The following ATP6V0A4 variants were observed in gnomAD, a reference collection of about 807,000 sequenced individuals.
ATP6V0A4 encodes the protein ATPase H+ transporting V0 subunit a4, also known as V-type proton ATPase 116 kDa subunit a 4.
In ATP6V0A4, 86 loss-of-function variants were observed where a neutral mutation model predicts 107.3. The ratio of observed to expected loss-of-function variants is 0.80; its 90% CI spans 0.67 to 0.96. The LOEUF (loss-of-function observed/expected upper bound fraction) is 0.96. Ranked by LOEUF, ATP6V0A4 falls within the 40% of genes least tolerant of loss-of-function variation. ATP6V0A4 has a pLI of 0.00. For missense variants in ATP6V0A4, 908 were observed against 1,045.6 expected, an observed-to-expected ratio of 0.87 and a Z score of 1.81; for synonymous variants, 353 against 381.4, an observed-to-expected ratio of 0.93 and a Z score of 0.87.
intron 19 of ATP6V0A4, among the ~76,000 whole-genome samples, chr7:138,718,417 G>T (rs1289623818): frequency 8.4e-6 from 1 of 119,040 alleles, no homozygotes; most frequent in Non-Finnish European, 1.7e-5. Context: ...GGAAGGGGGG[G>T]CGTGCAGTCA....
intron 2 of ATP6V0A4, among the ~76,000 whole-genome samples, chr7:138,777,567 A>G (rs1807716228): frequency 6.7e-6 from 1 of 150,116 alleles, no homozygotes; most frequent in Admixed American, 6.7e-5. Context: ...GAGAGCCAAG[A>G]TCGTGCCATT....
rs1324433343 is a variant in ATP6V0A4, at chr7:138,784,269, T to TATATATATATACATATATATATATAC, written c.-18+1888_-18+1889insGTATATATATATATGTATATATATAT. Among the ~76,000 whole-genome samples, 7 of 31,276 alleles carry TATATATATATACATATATATATATAC rather than the reference T, an allele frequency of 2.2e-4. No homozygotes were observed. In the East Asian group the frequency reaches 6.4e-3, roughly 29 times the overall value. 20.5% of individuals were successfully genotyped at this position (31,276 alleles called of 152,430 possible). ...ATATATATACATATATATATATACA[T>TATATATATATACATATATATATATAC]ATATATATATACATATATATACACA... On this transcript the variant is annotated intron_variant, in intron 2 of 21. Transcript: ENST00000310018.
intron 19 of ATP6V0A4, among the ~76,000 whole-genome samples, chr7:138,720,329 C>T (rs964496528): frequency 3.3e-5 from 5 of 152,114 alleles, no homozygotes; most frequent in African/African-American, 4.8e-5. Context: ...ATGATTAGAC[C>T]TGGGGGAAAG....
At chr7:138,796,838 C>T (rs1808690495) in intron 1 of ATP6V0A4, among the ~76,000 whole-genome samples, 1 of 149,592 alleles carries the variant, frequency 6.7e-6, no homozygotes, top group Admixed American at 6.7e-5. Context: ...TCATCTCAGT[C>T]TCCAGTGCCT....
rs1808759840 is a variant in ATP6V0A4 at position 138,797,886 on chromosome 7, G to A, written c.-121+148C>T. On this transcript the variant is annotated intron_variant, in intron 1 of 21. Coordinates refer to ENST00000310018, the MANE Select transcript of ATP6V0A4 (RefSeq NM_020632.3). ...CCCCTCCCTTCCTTCCTCAGCCAAC[G>A]GTTTGGCTTCCCTTCTAGAGAGGTG... is the stretch of plus-strand genomic sequence containing the variant. 5 of 1,145,592 alleles carry A rather than the reference G, an allele frequency of 4.4e-6. No individual in the cohort carries two copies. The East Asian group carries it at 1.3e-4, about 31-fold the overall frequency. The allele number at this position is 1,145,592 out of a possible 1,614,324, so 71.0% of individuals were successfully genotyped here. A position where few individuals can be genotyped will look rare whatever the true frequency, so the allele number is the denominator to read the frequency against.
rs147247032 is a variant in ATP6V0A4 at position 138,787,931 on chromosome 7, T to C, written c.-120-1671A>G. Among the ~76,000 whole-genome samples, 1,159 of 151,968 alleles carry C rather than the reference T, an allele frequency of 7.6e-3. 17 individuals are homozygous for C. The highest frequency in any genetic ancestry group is 0.026 in the African/African-American group (1,082 of 41,462). On this transcript the variant is annotated intron_variant, in intron 1 of 21. Transcript: ENST00000310018. ...GGAGGATGGCTTGAGCCCTAGGAGG[T>C]GGAGGCTACAGTGAGTTGTGATTGC...
chr7:138,754,415 T>G (rs1039173404), intron 10 of ATP6V0A4, among the ~76,000 whole-genome samples: 1 of 131,908 alleles, frequency 7.6e-6, no homozygotes, highest in African/African-American at 2.9e-5. Flanking sequence ...GCCACTGCAC[T>G]CCAGCCTGGG....
intron 17 of ATP6V0A4, among the ~76,000 whole-genome samples, chr7:138,731,115 A>G (rs1804991341): frequency 6.6e-6 from 1 of 151,998 alleles, no homozygotes. Flanking sequence ...TTGTATTTTT[A>G]GTAGAGATGG....
rs575842455 is a variant in ATP6V0A4 at position 138,734,568 on chromosome 7, G to A, written c.1573-314C>T. Among the ~76,000 whole-genome samples the A allele has an allele frequency of 2.5e-4, 38 of 152,198 alleles. No individual in the cohort carries two copies. The South Asian group carries it at 7.9e-3, about 32-fold the overall frequency. On this transcript the variant is annotated intron_variant, in intron 15 of 21. Coordinates refer to ENST00000310018, the MANE Select transcript of ATP6V0A4 (RefSeq NM_020632.3). ...GAGGCAGGTGTATCACTTGAGCTCA[G>A]GAGTTCGAGACCAGTCTGGTCAACC...
At chr7:138,713,224 G>T (rs538210439) in intron 20 of ATP6V0A4, among the ~76,000 whole-genome samples, 2 of 147,634 alleles carry the variant, frequency 1.4e-5, no homozygotes, top group African/African-American at 2.5e-5. Context: ...AGAATTGCTT[G>T]AACCTGGGAG....
intron 3 of ATP6V0A4, among the ~76,000 whole-genome samples, chr7:138,769,475 T>A (rs2117333719): frequency 6.6e-6 from 1 of 152,114 alleles, no homozygotes; most frequent in African/African-American, 2.4e-5. Context: ...CCACCACGCC[T>A]GGCTAATTTT....
At chr7:138,796,745 C>T (rs1054505007) in intron 1 of ATP6V0A4, among the ~76,000 whole-genome samples, 3 of 152,180 alleles carry the variant, frequency 2.0e-5, no homozygotes, top group Non-Finnish European at 4.4e-5. Context: ...CTATTTGAGT[C>T]TTGCCAGGTT....
chr7:138,778,686 C>T (rs181626580), intron 2 of ATP6V0A4, among the ~76,000 whole-genome samples: 13 of 152,212 alleles, frequency 8.5e-5, no homozygotes, highest in Admixed American at 2.0e-4. Context: ...CAGTTAAACG[C>T]CACAGAAAAA....
At chr7:138,761,962 G>A (rs1424036238) in intron 7 of ATP6V0A4, among the ~76,000 whole-genome samples, 5 of 152,160 alleles carry the variant, frequency 3.3e-5, no homozygotes, top group Non-Finnish European at 5.9e-5. Context: ...TTACAGGTGT[G>A]AGCCACCACG....
chr7:138,762,937 A>T lies in ATP6V0A4; in HGVS notation c.380T>A (p.Leu127Gln). 6.2e-7 allele frequency: 1 copy of T among 1,614,154 alleles called. No individual in the cohort carries two copies. Among genetic ancestry groups the T allele is most frequent in the Non-Finnish European group, 8.5e-7 (1 of 1,180,038 alleles). The change falls in exon 6 of 22, where the codon CTG becomes CAG. Residue 127 changes from leucine to glutamine, a missense_variant. Coordinates refer to ENST00000310018, the MANE Select transcript of ATP6V0A4 (RefSeq NM_020632.3). Reference protein sequence around the residue: ...LKQSFLELTELKYLLKKTQDF... With the variant: ...LKQSFLELTEQKYLLKKTQDF... Reference sequence around the variant, plus strand: ...TTGGGTTTTCTTCAGGAGGTATTTCAGTTCTGTCAGTTCTAGGAAGCTTTG... The same window carrying T: ...TTGGGTTTTCTTCAGGAGGTATTTCTGTTCTGTCAGTTCTAGGAAGCTTTG...
intron 2 of ATP6V0A4, among the ~76,000 whole-genome samples, chr7:138,783,377 T>C (rs763623688): frequency 2.0e-5 from 3 of 151,860 alleles, no homozygotes; most frequent in Non-Finnish European, 4.4e-5. Context: ...TCAAGACCAG[T>C]CTGGGCAACA....
At chr7:138,761,485 A>T (rs984962447) in intron 7 of ATP6V0A4, among the ~76,000 whole-genome samples, 5 of 151,986 alleles carry the variant, frequency 3.3e-5, no homozygotes, top group African/African-American at 7.2e-5. Flanking sequence ...ACACAAAAAA[A>T]TTAGCCGGGT....
intron 14 of ATP6V0A4, among the ~76,000 whole-genome samples, chr7:138,740,424 C>CTTT (rs1288644564): frequency 3.1e-5 from 4 of 128,976 alleles, no homozygotes; most frequent in African/African-American, 5.7e-5. Flanking sequence ...GAAGAAATTT[C>CTTT]TTTTTTTTTT....
intron 11 of ATP6V0A4, among the ~76,000 whole-genome samples, chr7:138,751,013 G>T (rs414445): frequency 0.25 from 38,002 of 151,168 alleles, 5,008 homozygotes; most frequent in East Asian, 0.48. Context: ...CCTTCCTCCC[G>T]CCCCCAACCT....
Sources: allele counts gnomAD v4.1 joint callset (sites outside exome capture counted in the v4.1 genomes callset), GRCh38; gene constraint gnomAD v4.1.1; transcripts MANE v1.5; gene names NCBI Gene and HGNC (gene_info 2026-07-23, HGNC 2026-07-21).